Variants in LPAR6 observed in about 807,000 individuals in gnomAD.
LPAR6 encodes lysophosphatidic acid receptor 6, also known as G-protein coupled purinergic receptor P2Y5.
LPAR6 carries 17 observed loss-of-function variants against 22.0 expected under a neutral mutation model. The ratio of observed to expected loss-of-function variants is 0.77; its 90% CI spans 0.53 to 1.16. LPAR6 has a LOEUF of 1.16. Among genes scored for constraint, LPAR6 ranks in the 50% most tolerant of loss-of-function variants. The pLI is 0.00. For missense variants in LPAR6, 384 were observed against 406.9 expected (o/e 0.94, Z 0.48); for synonymous variants, 136 against 139.8 (o/e 0.97, Z 0.19).
intron 1 of LPAR6, among the ~76,000 whole-genome samples, chr13:48,394,802 C>T (rs770616423): frequency 5.3e-5 from 8 of 152,228 alleles, no homozygotes; most frequent in South Asian, 2.1e-4. Context: ...TGGGGGAAGG[C>T]GCAGCTGTGG....
chr13:48,391,910 G>A (rs1255037860), intron 1 of LPAR6, among the ~76,000 whole-genome samples: 1 of 151,850 alleles, frequency 6.6e-6, no homozygotes, highest in Non-Finnish European at 1.5e-5. Flanking sequence ...ATGAGCCACC[G>A]CACCCAGCCA....
intron 1 of LPAR6, among the ~76,000 whole-genome samples, chr13:48,398,422 CTA>C (rs1267147692): frequency 3.9e-5 from 6 of 152,080 alleles, no homozygotes; most frequent in Admixed American, 6.6e-5. Context: ...TTGCTTCCCA[CTA>C]TGTCTATTTT....
chr13:48,402,567 C>T (rs1042415366), intron 1 of LPAR6, among the ~76,000 whole-genome samples: 4 of 151,630 alleles, frequency 2.6e-5, no homozygotes, highest in African/African-American at 2.4e-5. Context: ...TTTGTAGAGA[C>T]GGGGTCTTGC....
At chr13:48,442,797 G>C (rs932253448) in intron 1 of LPAR6, among the ~76,000 whole-genome samples, 11 of 152,112 alleles carry the variant, frequency 7.2e-5, no homozygotes, top group African/African-American at 2.7e-4. Context: ...GAGTTAGGAA[G>C]TCCTTTCTTT....
chr13:48,424,505 G>A (rs1417681048), intron 1 of LPAR6, among the ~76,000 whole-genome samples: 1 of 152,192 alleles, frequency 6.6e-6, no homozygotes, highest in African/African-American at 2.4e-5. Flanking sequence ...AGTAGGGAAA[G>A]GAAATCAAGA....
chr13:48,410,481 G>T (rs567854853), downstream of LPAR6, among the ~76,000 whole-genome samples: 52 of 152,266 alleles, frequency 3.4e-4, 1 homozygote, highest in African/African-American at 1.2e-3. Context: ...TAAGCAACAC[G>T]TGACAGTATA....
Position 48,399,085 on chromosome 13 carries a change from A to G in LPAR6, n.115-9273T>C, listed in dbSNP as rs564003369. Among the ~76,000 whole-genome samples the G allele has an allele frequency of 7.0e-4, 106 of 152,188 alleles. 1 individual carries two copies. The highest frequency in any genetic ancestry group is 3.4e-3 in the Middle Eastern group (1 of 294). On this transcript the variant is annotated intron_variant and non_coding_transcript_variant, in intron 1 of 1. Coordinates refer to the LPAR6 transcript ENST00000462781. ...CAACTCCTAGAAATGAGAATTTACT[A>G]TAAGTGTTTTCAGAATCCACAATAA...
chr13:48,405,551 C>A (rs1193915564), intron 1 of LPAR6, among the ~76,000 whole-genome samples: 1 of 152,112 alleles, frequency 6.6e-6, no homozygotes, highest in Non-Finnish European at 1.5e-5. Flanking sequence ...AACACAGCCG[C>A]TTTATTCATT....
At chr13:48,437,688 C>A (rs1182629202) in intron 1 of LPAR6, among the ~76,000 whole-genome samples, 1 of 152,116 alleles carries the variant, frequency 6.6e-6, no homozygotes, top group African/African-American at 2.4e-5. Context: ...CATAGCAGCT[C>A]CCTGCCTCAA....
At chr13:48,429,730 G>A (rs1365828430), upstream of LPAR6, among the ~76,000 whole-genome samples, 1 of 152,058 alleles carries the variant, frequency 6.6e-6, no homozygotes, top group Non-Finnish European at 1.5e-5. Flanking sequence ...TAAATTAACT[G>A]GTGCCAATCT....
chr13:48,417,855 C>T (rs1433021768), upstream of LPAR6, among the ~76,000 whole-genome samples: 1 of 152,138 alleles, frequency 6.6e-6, no homozygotes, highest in Non-Finnish European at 1.5e-5. Flanking sequence ...ACGAACAAAG[C>T]CTCCAAGAAA....
intron 1 of LPAR6, among the ~76,000 whole-genome samples, chr13:48,397,483 G>A (rs113292447): frequency 0.011 from 1,619 of 152,166 alleles, 26 homozygotes; most frequent in African/African-American, 0.036. Flanking sequence ...TCACACACCG[G>A]GGCCTGTCAG....
At chr13:48,409,150 C>CT (rs1282281494), downstream of LPAR6, among the ~76,000 whole-genome samples, 4,404 of 130,926 alleles carry the variant, frequency 0.034, 209 homozygotes, top group African/African-American at 0.1. Context: ...TTTCTTTTCT[C>CT]TTTTTTTTTT....
chr13:48,416,652 C>A (rs1317631954), upstream of LPAR6: 1 of 152,322 alleles, frequency 6.6e-6, no homozygotes, highest in African/African-American at 2.4e-5. Context: ...GTGGATCCCA[C>A]CCCCACAGAG....
chr13:48,416,870 C>A (rs1198909304), upstream of LPAR6, among the ~76,000 whole-genome samples: 1 of 152,158 alleles, frequency 6.6e-6, no homozygotes, highest in Non-Finnish European at 1.5e-5. Flanking sequence ...TCTCTAGAGT[C>A]CTCCTCTCTG....
Position 48,411,228 on chromosome 13 carries a change from A to C in LPAR6, c.*161T>G. On this transcript the variant is annotated 3_prime_UTR_variant, in exon 1 of 1. Coordinates refer to ENST00000620633, the MANE Select transcript of LPAR6 (RefSeq NM_001162498.3). Reference sequence around the variant, plus strand: ...GGATACACAAATAAAATACATGTTAATGCTTAACACATTGAATACAAATTT... The same window carrying C: ...GGATACACAAATAAAATACATGTTACTGCTTAACACATTGAATACAAATTT... 1.6e-6 allele frequency: 1 copy of C among 632,192 alleles called. No homozygotes were observed. The highest frequency in any genetic ancestry group is 2.6e-5 in the Admixed American group (1 of 38,126). 39.2% of individuals were successfully genotyped at this position (632,192 alleles called of 1,614,324 possible). A position where few individuals can be genotyped will look rare whatever the true frequency, so the allele number is the denominator to read the frequency against.
intron 1 of LPAR6, among the ~76,000 whole-genome samples, chr13:48,400,305 G>C (rs1948680800): frequency 6.6e-6 from 1 of 152,096 alleles, no homozygotes; most frequent in Admixed American, 6.6e-5. Context: ...CTATGAAATA[G>C]ATTCTGTCAT....
rs144673198 is a variant in LPAR6 at position 48,396,690 on chromosome 13, T to C, written n.115-6878A>G. On this transcript the variant is annotated intron_variant and non_coding_transcript_variant, in intron 1 of 1. Coordinates refer to the LPAR6 transcript ENST00000462781. Reference sequence around the variant, plus strand: ...AGAGCTTCTGCACAGCAAAAGAAACTATCTTCAGAGTGAACAGGCAACCTA... The same window carrying C: ...AGAGCTTCTGCACAGCAAAAGAAACCATCTTCAGAGTGAACAGGCAACCTA... 8.3e-3 allele frequency among the ~76,000 whole-genome samples: 1,264 copies of C among 152,230 alleles called. 5 individuals carry two copies. The highest frequency in any genetic ancestry group is 0.014 in the Non-Finnish European group (956 of 68,012).
At chr13:48,415,024 A>C (rs1390395017), upstream of LPAR6, among the ~76,000 whole-genome samples, 1 of 152,132 alleles carries the variant, frequency 6.6e-6, no homozygotes, top group Non-Finnish European at 1.5e-5. Flanking sequence ...GTATGTTTTA[A>C]AAAAACAAAA....
Sources: allele counts gnomAD v4.1 joint callset (sites outside exome capture counted in the v4.1 genomes callset), GRCh38; gene constraint gnomAD v4.1.1; transcripts MANE v1.5; gene names NCBI Gene and HGNC (gene_info 2026-07-23, HGNC 2026-07-21).